MRPS6: variants seen among roughly 807,000 people sequenced by gnomAD.
MRPS6 encodes the protein small ribosomal subunit protein bS6m.
Under a neutral mutation model 13.1 loss-of-function variants are expected in MRPS6, and 6 were observed. That is an observed-to-expected ratio of 0.46 (90% CI 0.25 to 0.91). The LOEUF (loss-of-function observed/expected upper bound fraction) is 0.91, where lower values mean the gene tolerates loss of function less well. Among genes scored for constraint, MRPS6 ranks in the 40% least tolerant of loss-of-function variants. MRPS6 has a pLI of 0.18. For synonymous variants in MRPS6, 61 were observed against 56.5 expected, an observed-to-expected ratio of 1.08 and a Z score of -0.36; for missense variants, 164 against 155.6, an observed-to-expected ratio of 1.05 and a Z score of -0.29.
rs765277592 is a variant in MRPS6 at position 34,142,630 on chromosome 21, T to TA, written c.*32dup. The TA allele has an allele frequency of 3.8e-6, 6 of 1,560,438 alleles. No individual in the cohort carries two copies. In the African/African-American group the frequency reaches 8.2e-5, roughly 21 times the overall value. ...ATTCGCCAGATTTTAGCCTTATATG[T>TA]AATTCCTTCACATTTGGGCAGCATG... On this transcript the variant is annotated 3_prime_UTR_variant, in exon 3 of 3. Transcript: ENST00000399312.
intron 1 of MRPS6, among the ~76,000 whole-genome samples, chr21:34,110,372 C>G (rs1047432336): frequency 3.3e-5 from 5 of 151,968 alleles, no homozygotes; most frequent in Non-Finnish European, 7.4e-5. Context: ...GCCAGCTACT[C>G]AAGAGGCCGA....
intron 1 of MRPS6, chr21:34,104,630 G>T: frequency 1.0e-6 from 1 of 1,000,166 alleles, no homozygotes; most frequent in Non-Finnish European, 1.2e-6. Flanking sequence ...GATTATTCTT[G>T]CCAGCAAAAA....
At chr21:34,104,826 T>G (rs1979405593) in intron 1 of MRPS6, 9 of 999,928 alleles carry the variant, frequency 9.0e-6, no homozygotes, top group Non-Finnish European at 9.6e-6. Flanking sequence ...TTCTGTACCT[T>G]TACATGTTTT....
chr21:34,132,675 G>T (rs182070069), intron 2 of MRPS6, among the ~76,000 whole-genome samples: 1 of 152,294 alleles, frequency 6.6e-6, no homozygotes, highest in Admixed American at 6.5e-5. Context: ...TCTGGAGTCC[G>T]GAGCTTGACT....
chr21:34,099,370 C>G (rs1979126456), intron 1 of MRPS6: 1 of 1,000,118 alleles, frequency 1.0e-6, no homozygotes. Flanking sequence ...TGTGTCTGGA[C>G]AAATGGTTGT....
intron 1 of MRPS6, among the ~76,000 whole-genome samples, chr21:34,118,248 C>G (rs1407135827): frequency 6.6e-6 from 1 of 151,978 alleles, no homozygotes; most frequent in South Asian, 2.1e-4. Flanking sequence ...TTACCAATAG[C>G]CTACTGTTGA....
At chr21:34,133,848 T>C (rs1980594618) in intron 2 of MRPS6, among the ~76,000 whole-genome samples, 1 of 152,054 alleles carries the variant, frequency 6.6e-6, no homozygotes, top group Non-Finnish European at 1.5e-5. Context: ...TAGACTTCAG[T>C]GTGTTGGGAA....
At chr21:34,116,433 G>A (rs908677990) in intron 1 of MRPS6, among the ~76,000 whole-genome samples, 3 of 150,960 alleles carry the variant, frequency 2.0e-5, no homozygotes, top group African/African-American at 7.3e-5. Context: ...TTAAATGGTT[G>A]TATCGTACTT....
At chr21:34,091,287 T>C (rs1191000638) in intron 1 of MRPS6, among the ~76,000 whole-genome samples, 10 of 152,204 alleles carry the variant, frequency 6.6e-5, no homozygotes, top group East Asian at 1.9e-4. Flanking sequence ...ATTGAACTTA[T>C]GACTTGAAGC....
intron 1 of MRPS6, chr21:34,095,430 G>A: frequency 1.2e-6 from 2 of 1,614,112 alleles, no homozygotes; most frequent in Non-Finnish European, 1.7e-6. Flanking sequence ...AAGTGGATTT[G>A]CAGTGGGCGC....
chr21:34,106,198 T>C (rs1325480699), intron 1 of MRPS6: 2 of 976,880 alleles, frequency 2.0e-6, no homozygotes, highest in Non-Finnish European at 2.5e-6. Flanking sequence ...AACTGAAGTA[T>C]AGTAATTATT....
At chr21:34,106,989 TG>T (rs1979506499) in intron 1 of MRPS6, among the ~76,000 whole-genome samples, 1 of 152,130 alleles carries the variant, frequency 6.6e-6, no homozygotes, top group Non-Finnish European at 1.5e-5. Context: ...TGGAATGCAG[TG>T]GTGCGATCTT....
chr21:34,131,707 T>A (rs948436237), intron 2 of MRPS6, among the ~76,000 whole-genome samples: 2 of 152,230 alleles, frequency 1.3e-5, no homozygotes, highest in Non-Finnish European at 2.9e-5. Context: ...TGCGGGACTG[T>A]ACTTGGTGTT....
chr21:34,124,773 A>C (rs1045699767), intron 1 of MRPS6: 1 of 151,950 alleles, frequency 6.6e-6, no homozygotes, highest in Non-Finnish European at 1.5e-5. Flanking sequence ...TGCTCTCCAT[A>C]CATGTGTATT....
intron 1 of MRPS6, among the ~76,000 whole-genome samples, chr21:34,092,869 T>A (rs919042960): frequency 3.3e-5 from 5 of 152,160 alleles, no homozygotes; most frequent in Non-Finnish European, 7.4e-5. Context: ...GATACCTGAT[T>A]AGCCAGGTAG....
intron 1 of MRPS6, among the ~76,000 whole-genome samples, chr21:34,075,527 G>A (rs1009035114): frequency 6.6e-6 from 1 of 151,810 alleles, no homozygotes; most frequent in Non-Finnish European, 1.5e-5. Context: ...TGAAATCTTC[G>A]CATGAGGGAA....
At chr21:34,132,621 C>T (rs1034525948) in intron 2 of MRPS6, among the ~76,000 whole-genome samples, 2 of 152,160 alleles carry the variant, frequency 1.3e-5, no homozygotes, top group African/African-American at 4.8e-5. Context: ...CATGTGGGTA[C>T]TAGGTAGCAA....
At chr21:34,133,089 C>T (rs1379953332) in intron 2 of MRPS6, among the ~76,000 whole-genome samples, 1 of 152,208 alleles carries the variant, frequency 6.6e-6, no homozygotes, top group Admixed American at 6.5e-5. Flanking sequence ...TCCTCAATTG[C>T]CACACGGAGT....
At chr21:34,091,930 T>C (rs1041594202) in intron 1 of MRPS6, among the ~76,000 whole-genome samples, 7 of 56 alleles carry the variant, frequency 0.12, no homozygotes, top group African/African-American at 0.22. Flanking sequence ...TTTATTGTCT[T>C]ATAATTTTAC....
Sources: gnomAD v4.1 joint callset for allele counts (sites outside exome capture counted in the v4.1 genomes callset) on GRCh38, gnomAD v4.1.1 for gene constraint, MANE v1.5 for transcripts, NCBI Gene and HGNC (gene_info 2026-07-23, HGNC 2026-07-21) for gene names.